Variants in RUBCNL observed in about 807,000 individuals in gnomAD.
RUBCNL encodes rubicon like autophagy enhancer.
RUBCNL carries 62 observed loss-of-function variants against 69.5 expected under a neutral mutation model. That is an observed-to-expected ratio of 0.89 (90% CI 0.73 to 1.10). RUBCNL has a LOEUF of 1.10. Among genes scored for constraint, RUBCNL ranks in the 50% least tolerant of loss-of-function variants. The pLI is 0.00. For missense variants in RUBCNL, 768 were observed against 798.1 expected (o/e 0.96, Z 0.45); for synonymous variants, 291 against 303.6 (o/e 0.96, Z 0.43).
In RUBCNL at chr13:46,361,575, T is replaced by C; in HGVS notation, c.987-2A>G. The C allele has an allele frequency of 1.3e-6, 2 of 1,592,806 alleles. No homozygotes were observed. ...TTGAAGTCTGGCTCATAAGTGACAC[T>C]GAAATGTAAGAGATGCAAATACTGG... On this transcript the variant is annotated splice_acceptor_variant, in intron 7 of 14. Transcript: ENST00000429979. LOFTEE classifies it high-confidence loss of function.
At chr13:46,372,702 T>C (rs2048905613) in intron 2 of RUBCNL, 105 bp from the exon 3 acceptor site, 1 of 1,052,792 alleles carries the variant, frequency 9.5e-7, no homozygotes, top group African/African-American at 1.6e-5. Context: ...AGTCTGTACT[T>C]GGCTCTATCC....
Position 46,345,364 on chromosome 13 carries a change from G to A in RUBCNL, c.1785+83C>T, listed in dbSNP as rs144113280. The A allele has an allele frequency of 2.8e-4, 418 of 1,467,660 alleles. 1 individual carries two copies. The highest frequency in any genetic ancestry group is 1.6e-3 in the Middle Eastern group (8 of 4,876). 90.9% of individuals were successfully genotyped at this position (1,467,660 alleles called of 1,614,324 possible). A position where few individuals can be genotyped will look rare whatever the true frequency, so the allele number is the denominator to read the frequency against. On this transcript the variant is annotated intron_variant, in intron 13 of 14. Coordinates refer to ENST00000429979, the MANE Select transcript of RUBCNL (RefSeq NM_025113.5). ...CACCGGCACTTCCCTCAGGGTTTGT[G>A]AGAGTTAAATGAAGTCAAGTGCGGA... is the stretch of plus-strand genomic sequence containing the variant.
chr13:46,383,172 A>G (rs943607137), intron 1 of RUBCNL, among the ~76,000 whole-genome samples: 2 of 152,210 alleles, frequency 1.3e-5, no homozygotes, highest in African/African-American at 4.8e-5. Flanking sequence ...TTTCCATTAA[A>G]AAATTCCCGT....
At chr13:46,376,224 A>G (rs1197354491) in intron 2 of RUBCNL, among the ~76,000 whole-genome samples, 1 of 152,076 alleles carries the variant, frequency 6.6e-6, no homozygotes, top group Non-Finnish European at 1.5e-5. Flanking sequence ...ACAGGGTGTT[A>G]GTGTCCCTAA....
At chr13:46,347,729 T>C (rs959366547) in intron 12 of RUBCNL, among the ~76,000 whole-genome samples, 5 of 151,916 alleles carry the variant, frequency 3.3e-5, no homozygotes, top group South Asian at 2.1e-4. Flanking sequence ...CGGTGGCTCA[T>C]GCCTGTAATC....
rs2048138408 is a variant in RUBCNL at position 46,341,032 on chromosome 13, C to A, written c.*2353G>T. Among the ~76,000 whole-genome samples the A allele has an allele frequency of 1.3e-5, 2 of 152,314 alleles. No individual in the cohort carries two copies. Among genetic ancestry groups the A allele is most frequent in the South Asian group, 4.1e-4 (2 of 4,826 alleles). ...TAATCTGAAGTTGTGGCCAATAATT[C>A]TCACCCAGGTCAACACACCAGACAT... On this transcript the variant is annotated 3_prime_UTR_variant, in exon 15 of 15. Coordinates refer to ENST00000429979, the MANE Select transcript of RUBCNL (RefSeq NM_025113.5).
chr13:46,345,297 A>T, intron 13 of RUBCNL, 150 bp downstream of exon 13: 1 of 906,218 alleles, frequency 1.1e-6, no homozygotes, highest in African/African-American at 1.7e-5. Context: ...CTCAGCTGTT[A>T]CTTCACAGCT....
chr13:46,383,184 T>G (rs2049158851), intron 1 of RUBCNL, among the ~76,000 whole-genome samples: 1 of 152,226 alleles, frequency 6.6e-6, no homozygotes, highest in African/African-American at 2.4e-5. Flanking sequence ...AATTCCCGTT[T>G]AAGTTTTCTA....
At position 46,361,478 on chromosome 13, in the gene RUBCNL, G is replaced by A. The variant is rs768119204; in HGVS notation, c.1082C>T (p.Ser361Phe). Residue 361 changes from serine (S) to phenylalanine (F), a missense_variant, in exon 8 of 15, where the codon TCT (serine) becomes TTT (phenylalanine). Coordinates refer to ENST00000429979, the MANE Select transcript of RUBCNL (RefSeq NM_025113.5). ...TGCACTCAGGGAACCTGCCAGCTGA[G>A]AATTAACTACTGACAGTATCCAGCA... ...QKCWILSVVN[S>F]QLAGSLSAAG... 1 of 1,613,956 alleles carries A rather than the reference G, an allele frequency of 6.2e-7. No homozygotes were observed. The highest frequency in any genetic ancestry group is 2.2e-5 in the East Asian group (1 of 44,884).
rs745711915 is a variant in RUBCNL, at chr13:46,349,289, T to G, written c.1628A>C (p.Asn543Thr). 2.0e-5 allele frequency: 33 copies of G among 1,613,450 alleles called. No homozygotes were observed. Among genetic ancestry groups the G allele is most frequent in the Non-Finnish European group, 2.6e-5 (31 of 1,179,630 alleles). The change falls in exon 12 of 15, where the codon AAC becomes ACC. Residue 543 changes from asparagine (N) to threonine (T), a missense_variant. Physicochemically the swap from Asn to Thr is moderately conservative, Grantham distance 65 (BLOSUM62 0). Coordinates refer to ENST00000429979, the MANE Select transcript of RUBCNL (RefSeq NM_025113.5). ...CTGTCCCAGCTGAGAATAGTACCTGTTAGCAAACCTACAGGTCTTCAACAG... is the reference window on the plus strand; with the variant it reads ...CTGTCCCAGCTGAGAATAGTACCTGGTAGCAAACCTACAGGTCTTCAACAG... The part of the protein sequence containing the change: ...KKLLKTCRFA[N>T]SALKEFEQVP...
chr13:46,368,705 G>A, intron 4 of RUBCNL, 28 bp downstream of exon 4: 2 of 1,573,712 alleles, frequency 1.3e-6, no homozygotes, highest in South Asian at 1.1e-5. Flanking sequence ...AAGACTCTAT[G>A]GTTAAAAAGA....
chr13:46,368,858 T>A, intron 3 of RUBCNL, 43 bp from the exon 4 acceptor site: 1 of 1,397,046 alleles, frequency 7.2e-7, no homozygotes, highest in Non-Finnish European at 1.0e-6. Flanking sequence ...AAAGGGAGTT[T>A]AAAGATTACC....
intron 10 of RUBCNL, among the ~76,000 whole-genome samples, chr13:46,354,579 G>T (rs1169808919): frequency 1.3e-5 from 2 of 152,122 alleles, no homozygotes; most frequent in Non-Finnish European, 2.9e-5. Flanking sequence ...GGCCACACAG[G>T]GTTTCTTTTA....
At chr13:46,376,899 G>A (rs1009807670) in intron 2 of RUBCNL, among the ~76,000 whole-genome samples, 1 of 152,110 alleles carries the variant, frequency 6.6e-6, no homozygotes, top group African/African-American at 2.4e-5. Context: ...CCTAAACTGT[G>A]TTATCACTTT....
intron 1 of RUBCNL, among the ~76,000 whole-genome samples, chr13:46,380,754 G>A (rs2049099445): frequency 6.6e-6 from 1 of 151,998 alleles, no homozygotes; most frequent in South Asian, 2.1e-4. Flanking sequence ...AATACATTAG[G>A]ATACATACAG....
rs2048098577 is a variant in RUBCNL at position 46,335,273 on chromosome 13, T to TTG, written c.*8111_*8112insCA. ...GTTGTTGTTGTTGTTTTTTTTTTTT[T>TTG]TTTTTTTTTTTTAAGAGACAGGGTC... On this transcript the variant is annotated 3_prime_UTR_variant, in exon 15 of 15. Coordinates refer to ENST00000429979, the MANE Select transcript of RUBCNL (RefSeq NM_025113.5). Among the ~76,000 whole-genome samples, 1 of 144,464 alleles carries TTG rather than the reference T, an allele frequency of 6.9e-6. No individual in the cohort carries two copies. Among genetic ancestry groups the TTG allele is most frequent in the African/African-American group, 2.6e-5 (1 of 38,740 alleles). 94.8% of individuals were successfully genotyped at this position (144,464 alleles called of 152,430 possible).
rs114852367 is a variant in RUBCNL at position 46,350,568 on chromosome 13, G to A, written c.1331-217C>T. On this transcript the variant is annotated intron_variant, in intron 10 of 14. Coordinates refer to ENST00000429979, the MANE Select transcript of RUBCNL (RefSeq NM_025113.5). ...TGAGCTCTGCTCTTGTGGAACAGAC[G>A]TCAGAAAAACAAAACCTTCCCAAAA... 1,483 of 436,634 alleles carry A rather than the reference G, an allele frequency of 3.4e-3. 22 individuals carry two copies. The highest frequency in any genetic ancestry group is 0.026 in the African/African-American group (1,322 of 50,138). The allele number at this position is 436,634 out of a possible 1,614,324, so 27.0% of individuals were successfully genotyped here.
chr13:46,353,960 G>C (rs1302095704), intron 10 of RUBCNL, among the ~76,000 whole-genome samples: 1 of 152,102 alleles, frequency 6.6e-6, no homozygotes, highest in Non-Finnish European at 1.5e-5. Context: ...TGCAGTTCTA[G>C]AATAAAGCTA....
intron 1 of RUBCNL, among the ~76,000 whole-genome samples, chr13:46,386,876 A>G (rs1409483604): frequency 1.3e-5 from 2 of 152,164 alleles, no homozygotes; most frequent in Admixed American, 1.3e-4. Flanking sequence ...CCCAAGCCGA[A>G]CACAGGGTCA....
Sources: allele counts gnomAD v4.1 joint callset (sites outside exome capture counted in the v4.1 genomes callset), GRCh38; gene constraint gnomAD v4.1.1; transcripts MANE v1.5; gene names NCBI Gene and HGNC (gene_info 2026-07-23, HGNC 2026-07-21).